Variants in RIC3 observed in about 807,000 individuals in gnomAD.
The protein encoded by RIC3 is RIC3 acetylcholine receptor chaperone.
A neutral mutation model predicts 27.3 loss-of-function variants in RIC3; 28 were observed. The observed-to-expected ratio is 1.02, with a 90% CI of 0.76 to 1.41. The LOEUF (loss-of-function observed/expected upper bound fraction) is 1.41. RIC3 is among the 40% of genes most tolerant of loss of function. RIC3 has a pLI of 0.00. For missense variants in RIC3, 501 were observed against 444.7 expected (o/e 1.13, Z -1.14); for synonymous variants, 184 against 160.4 (o/e 1.15, Z -1.11).
rs1332173547 is a variant in RIC3, at chr11:8,126,589, T to C, written c.670+70A>G. 72 of 1,575,310 alleles carry C rather than the reference T, an allele frequency of 4.6e-5. No individual in the cohort carries two copies. The Middle Eastern group carries it at 5.1e-4, about 11-fold the overall frequency. On this transcript the variant is annotated intron_variant, in intron 5 of 5. Coordinates refer to ENST00000309737, the MANE Select transcript of RIC3 (RefSeq NM_001206671.4). ...TATTATACCTCAATAATGAAGCTGATTTTTTAAAAATCTGTAACATCTCTT... is the reference window on the plus strand; with the variant it reads ...TATTATACCTCAATAATGAAGCTGACTTTTTAAAAATCTGTAACATCTCTT...
At chr11:8,165,780 TTG>T in intron 1 of RIC3, among the ~76,000 whole-genome samples, 1 of 110,842 alleles carries the variant, frequency 9.0e-6, no homozygotes, top group African/African-American at 4.9e-5. Context: ...TTTTTTTGTT[TTG>T]TTTTGTTTTT....
rs542331143 is a variant in RIC3 at position 8,135,400 on chromosome 11, T to C, written c.521+1978A>G. 4.6e-5 allele frequency among the ~76,000 whole-genome samples: 7 copies of C among 152,352 alleles called. No homozygotes were observed. In the South Asian group the frequency reaches 1.4e-3, roughly 32 times the overall value. ...GGTTACTGTAGCCTTGTAGTATAGT[T>C]TGAAGTCAGGTAGCATGATGCCTCC... On this transcript the variant is annotated intron_variant, in intron 4 of 5. Transcript: ENST00000309737.
chr11:8,130,767 G>A (rs770959154), intron 4 of RIC3, among the ~76,000 whole-genome samples: 4 of 43,058 alleles, frequency 9.3e-5, no homozygotes, highest in African/African-American at 5.2e-4. Context: ...TGTGTGTTGT[G>A]GGGGGGAGAG....
intron 1 of RIC3, among the ~76,000 whole-genome samples, chr11:8,146,793 A>G (rs750236990): frequency 1.3e-5 from 2 of 152,152 alleles, no homozygotes; most frequent in Admixed American, 6.5e-5. Flanking sequence ...CTGGTTGACA[A>G]TTGGTTGAGT....
chr11:8,130,076 ATTC>A (rs984099715), intron 4 of RIC3, among the ~76,000 whole-genome samples: 9 of 152,086 alleles, frequency 5.9e-5, no homozygotes, highest in Non-Finnish European at 1.3e-4. Flanking sequence ...TTATTTATTT[ATTC>A]TTCTCCATTA....
intron 1 of RIC3, among the ~76,000 whole-genome samples, chr11:8,149,591 T>C (rs979221863): frequency 1.3e-5 from 2 of 152,136 alleles, no homozygotes; most frequent in Non-Finnish European, 2.9e-5. Flanking sequence ...AGCACTGAGA[T>C]GCAAATCACT....
At chr11:8,101,358 T>G, downstream of RIC3, 1 of 1,258,904 alleles carries the variant, frequency 7.9e-7, no homozygotes, top group Non-Finnish European at 1.1e-6. Context: ...CTTCCCTTTG[T>G]GATTCCCCTG....
intron 1 of RIC3, among the ~76,000 whole-genome samples, chr11:8,156,869 T>C (rs1398598895): frequency 6.6e-6 from 1 of 152,196 alleles, no homozygotes; most frequent in Non-Finnish European, 1.5e-5. Context: ...TTAATGTGTC[T>C]TATAGCCTGT....
At chr11:8,095,054 A>G in the RIC3 span, among the ~76,000 whole-genome samples, 1 of 152,182 alleles carries the variant, frequency 6.6e-6, no homozygotes, top group African/African-American at 2.4e-5. Flanking sequence ...GTTTTTAATG[A>G]TGTATGTGAG....
intron 4 of RIC3, among the ~76,000 whole-genome samples, chr11:8,133,764 G>A (rs964636696): frequency 1.3e-5 from 2 of 152,208 alleles, no homozygotes; most frequent in Non-Finnish European, 1.5e-5. Context: ...GAAGAGGACA[G>A]ACAGTAGTTA....
chr11:8,156,074 T>C (rs760690720), intron 1 of RIC3, among the ~76,000 whole-genome samples: 2 of 152,190 alleles, frequency 1.3e-5, no homozygotes, highest in Non-Finnish European at 2.9e-5. Flanking sequence ...ATCCTATATA[T>C]TACTAAAAGA....
chr11:8,121,961 G>A (rs1946507122), intron 5 of RIC3, among the ~76,000 whole-genome samples: 1 of 152,064 alleles, frequency 6.6e-6, no homozygotes, highest in Non-Finnish European at 1.5e-5. Flanking sequence ...AGGCACAGTG[G>A]CATGCACCTG....
chr11:8,158,960 T>C (rs1012223320), intron 1 of RIC3, among the ~76,000 whole-genome samples: 4 of 150,944 alleles, frequency 2.6e-5, no homozygotes, highest in East Asian at 2.0e-4. Context: ...CTTGAAATCC[T>C]GACCTTGTGA....
At chr11:8,101,025 G>A in the RIC3 span, 2 of 1,613,330 alleles carry the variant, frequency 1.2e-6, no homozygotes, top group Non-Finnish European at 1.7e-6. Flanking sequence ...TACTCATTAT[G>A]GTCCGTAGGA....
chr11:8,122,747 C>G (rs1001223808), intron 5 of RIC3, among the ~76,000 whole-genome samples: 1 of 151,194 alleles, frequency 6.6e-6, no homozygotes, highest in East Asian at 2.0e-4. Flanking sequence ...CTATTTTCTA[C>G]TAACCTAAAT....
At chr11:8,101,704 T>C (rs1322009983), downstream of RIC3, 2 of 1,521,548 alleles carry the variant, frequency 1.3e-6, no homozygotes, top group Non-Finnish European at 1.8e-6. Flanking sequence ...CTATCCTCTG[T>C]ATATAGGCCT....
intron 5 of RIC3, among the ~76,000 whole-genome samples, chr11:8,123,274 AAGAG>A (rs1257457917): frequency 6.6e-6 from 1 of 152,306 alleles, no homozygotes; most frequent in South Asian, 2.1e-4. Context: ...AAGGAAATAA[AAGAG>A]AGACAAAAAG....
rs531668122 is a variant in RIC3, at chr11:8,111,284, A to G, written c.671-147T>C. On this transcript the variant is annotated intron_variant, in intron 5 of 5. Coordinates refer to ENST00000309737, the MANE Select transcript of RIC3 (RefSeq NM_001206671.4). ...ACATCTCTAAGATTCCAATAGTTCT[A>G]AAGTTTTACTTGAGCAAATTCTTAG... is the stretch of plus-strand genomic sequence containing the variant. The G allele has an allele frequency of 4.0e-5, 26 of 645,832 alleles. No homozygotes were observed. The South Asian group carries it at 4.7e-4, about 12-fold the overall frequency. The allele number at this position is 645,832 out of a possible 1,614,324, so 40.0% of individuals were successfully genotyped here.
At chr11:8,094,091 G>A in the RIC3 span, 27 of 1,614,050 alleles carry the variant, frequency 1.7e-5, no homozygotes, top group African/African-American at 6.7e-5. Flanking sequence ...GGAGCCACGC[G>A]CCCAACAGCA....
Sources: gnomAD v4.1 joint callset for allele counts (sites outside exome capture counted in the v4.1 genomes callset) on GRCh38, gnomAD v4.1.1 for gene constraint, MANE v1.5 for transcripts, NCBI Gene and HGNC (gene_info 2026-07-23, HGNC 2026-07-21) for gene names.